Variants in MTUS2 observed in about 807,000 individuals in gnomAD.
MTUS2 encodes microtubule-associated tumor suppressor candidate 2.
In MTUS2, 40 loss-of-function variants were observed where a neutral mutation model predicts 114.1. That is an observed-to-expected ratio of 0.35 (90% CI 0.27 to 0.46). MTUS2 has a LOEUF of 0.46. Among genes scored for constraint, MTUS2 ranks in the 20% least tolerant of loss-of-function variants. MTUS2 has a pLI of 1.00. For missense variants in MTUS2, 1,679 were observed against 1,705.4 expected (o/e 0.98, Z 0.27); for synonymous variants, 688 against 672.0 (o/e 1.02, Z -0.37).
intron 2 of MTUS2, among the ~76,000 whole-genome samples, chr13:28,995,238 G>C (rs575396314): frequency 0.018 from 2,751 of 152,226 alleles, 83 homozygotes; most frequent in African/African-American, 0.062. Context: ...TCTGAGGGCT[G>C]TGTTCTGTTC....
chr13:29,059,415 A>G (rs889911430), intron 4 of MTUS2, among the ~76,000 whole-genome samples: 1 of 152,022 alleles, frequency 6.6e-6, no homozygotes, highest in Non-Finnish European at 1.5e-5. Context: ...CAGGAGTCGC[A>G]GTTGGCAGAC....
At chr13:28,888,318 A>C (rs1878708523) in intron 2 of MTUS2, among the ~76,000 whole-genome samples, 1 of 152,172 alleles carries the variant, frequency 6.6e-6, no homozygotes, top group Non-Finnish European at 1.5e-5. Context: ...TGTTTTAAAT[A>C]GGACAGTGAA....
At chr13:29,486,853 G>A (rs187806792) in intron 10 of MTUS2, among the ~76,000 whole-genome samples, 40 of 152,290 alleles carry the variant, frequency 2.6e-4, no homozygotes, top group South Asian at 2.1e-4. Flanking sequence ...GATAAACACC[G>A]TTGTAGTGCA....
chr13:29,244,825 G>A (rs1017393036), intron 5 of MTUS2, among the ~76,000 whole-genome samples: 11 of 149,418 alleles, frequency 7.4e-5, no homozygotes, highest in African/African-American at 2.7e-4. Context: ...GCATAGTGGC[G>A]GGCGCCTGTA....
rs73455530 is a variant in MTUS2, at chr13:29,293,825, T to C, written c.2806+11960T>C. Among the ~76,000 whole-genome samples, 386 of 152,264 alleles carry C rather than the reference T, an allele frequency of 2.5e-3. 1 individual carries two copies. Among genetic ancestry groups the C allele is most frequent in the African/African-American group, 8.7e-3 (360 of 41,580 alleles). ...ACATGTCATTAAAGGTAGAAAGCTATAGAACACAATCTCATTATTATAAAA... is the reference window on the plus strand; with the variant it reads ...ACATGTCATTAAAGGTAGAAAGCTACAGAACACAATCTCATTATTATAAAA... On this transcript the variant is annotated intron_variant, in intron 6 of 15. Transcript: ENST00000612955.
At chr13:29,179,843 T>C (rs933717950) in intron 5 of MTUS2, among the ~76,000 whole-genome samples, 1 of 152,224 alleles carries the variant, frequency 6.6e-6, no homozygotes, top group African/African-American at 2.4e-5. Flanking sequence ...CATTTTAAAA[T>C]ATCTGAAGGA....
rs538558382 is a variant in MTUS2, at chr13:29,044,562, A to G, written c.2446+10437A>G. ...CTCTTCAGGGACTCCAATTACACAT[A>G]TATTAGGCCTCTTGGAGTTGCCCTA... On this transcript the variant is annotated intron_variant, in intron 4 of 15. Coordinates refer to ENST00000612955, the MANE Select transcript of MTUS2 (RefSeq NM_001033602.4). 5.3e-5 allele frequency among the ~76,000 whole-genome samples: 8 copies of G among 152,250 alleles called. No homozygotes were observed. In the South Asian group the frequency reaches 1.5e-3, roughly 28 times the overall value.
chr13:29,105,651 T>TG (rs1890630490), intron 5 of MTUS2, among the ~76,000 whole-genome samples: 2 of 81,946 alleles, frequency 2.4e-5, no homozygotes, highest in Non-Finnish European at 6.7e-5. Flanking sequence ...TTTCTCCTGT[T>TG]TTTTTCTTTT....
chr13:29,153,522 A>G (rs550150347), intron 5 of MTUS2, among the ~76,000 whole-genome samples: 1 of 152,058 alleles, frequency 6.6e-6, no homozygotes, highest in South Asian at 2.1e-4. Context: ...CTCCTAGTCC[A>G]TGATTCTTTC....
intron 2 of MTUS2, among the ~76,000 whole-genome samples, chr13:28,991,920 C>T (rs2138340432): frequency 6.6e-6 from 1 of 152,264 alleles, no homozygotes; most frequent in African/African-American, 2.4e-5. Flanking sequence ...TGTCTCTGTA[C>T]CTGGGAACTT....
intron 2 of MTUS2, among the ~76,000 whole-genome samples, chr13:28,895,535 T>C (rs1879214431): frequency 6.6e-6 from 1 of 152,192 alleles, no homozygotes; most frequent in African/African-American, 2.4e-5. Flanking sequence ...TATTAGATAG[T>C]GTGTATCTAC....
intron 5 of MTUS2, among the ~76,000 whole-genome samples, chr13:29,196,461 C>G (rs1894706116): frequency 6.6e-6 from 1 of 151,786 alleles, no homozygotes; most frequent in African/African-American, 2.4e-5. Context: ...TGGGAAAATG[C>G]ACATAACATC....
chr13:28,982,329 T>C (rs1884394325), intron 2 of MTUS2, among the ~76,000 whole-genome samples: 1 of 146,472 alleles, frequency 6.8e-6, no homozygotes, highest in South Asian at 2.2e-4. Context: ...TTCACACCTA[T>C]GAGGATGGTT....
At chr13:28,941,309 T>A (rs752122676) in intron 2 of MTUS2, among the ~76,000 whole-genome samples, 150 of 152,104 alleles carry the variant, frequency 9.9e-4, no homozygotes, top group Non-Finnish European at 9.4e-4. Context: ...TGCATATGCT[T>A]ACTGTATATA....
chr13:29,385,430 A>C (rs765732059), intron 8 of MTUS2, among the ~76,000 whole-genome samples: 9 of 152,218 alleles, frequency 5.9e-5, no homozygotes, highest in Non-Finnish European at 1.3e-4. Context: ...CAGGACCACA[A>C]GAAAAGGTCC....
At chr13:29,489,992 T>C (rs1881941411) in intron 11 of MTUS2, 1 of 152,168 alleles carries the variant, frequency 6.6e-6, no homozygotes, top group Non-Finnish European at 1.5e-5. Context: ...ATCTGGTGGA[T>C]TTTTCTGACT....
chr13:29,203,200 A>T (rs1213027391), intron 5 of MTUS2, among the ~76,000 whole-genome samples: 3 of 152,202 alleles, frequency 2.0e-5, no homozygotes, highest in African/African-American at 7.2e-5. Flanking sequence ...TCTTTCAGAG[A>T]TGCCCTGCCC....
intron 5 of MTUS2, among the ~76,000 whole-genome samples, chr13:29,236,689 C>T (rs1222054641): frequency 6.6e-6 from 1 of 152,132 alleles, no homozygotes; most frequent in Non-Finnish European, 1.5e-5. Flanking sequence ...TGTCTAGTGT[C>T]CAGCTCGTCT....
intron 2 of MTUS2, among the ~76,000 whole-genome samples, chr13:29,002,903 C>T (rs1251419157): frequency 6.6e-6 from 1 of 152,170 alleles, no homozygotes; most frequent in African/African-American, 2.4e-5. Context: ...CCCAGTGATG[C>T]TAGGTAATAG....
Sources: gnomAD v4.1 joint callset for allele counts (sites outside exome capture counted in the v4.1 genomes callset) on GRCh38, gnomAD v4.1.1 for gene constraint, MANE v1.5 for transcripts, NCBI Gene and HGNC (gene_info 2026-07-23, HGNC 2026-07-21) for gene names.